ANKRD31: variants seen among roughly 807,000 people sequenced by gnomAD.
ANKRD31 encodes the protein ankyrin repeat domain 31, also known as ankyrin repeat domain-containing protein 31.
A neutral mutation model predicts 186.0 loss-of-function variants in ANKRD31; 147 were observed. The ratio of observed to expected loss-of-function variants is 0.79; its 90% CI spans 0.69 to 0.91. The LOEUF (loss-of-function observed/expected upper bound fraction) is 0.91, where lower values mean the gene tolerates loss of function less well. Ranked by LOEUF, ANKRD31 falls within the 40% of genes least tolerant of loss-of-function variation. The pLI is 0.00. For missense variants in ANKRD31, 1,986 were observed against 2,148.8 expected (o/e 0.92, Z 1.50); for synonymous variants, 673 against 736.4 (o/e 0.91, Z 1.39).
intron 3 of ANKRD31, among the ~76,000 whole-genome samples, chr5:75,220,589 C>T (rs149375983): frequency 5.3e-5 from 8 of 151,520 alleles, no homozygotes; most frequent in Non-Finnish European, 8.8e-5. Flanking sequence ...CTACAGTGAG[C>T]TGTGATCATG....
At chr5:75,183,180 CAGAAAAAGCATTTGAT>C (rs1284796878) in intron 10 of ANKRD31, among the ~76,000 whole-genome samples, 2 of 152,030 alleles carry the variant, frequency 1.3e-5, no homozygotes. Context: ...TCAAAAGATG[CAGAAAAAGCATTTGAT>C]AGAATTCAAC....
intron 11 of ANKRD31, among the ~76,000 whole-genome samples, chr5:75,160,989 C>T (rs542886807): frequency 7.9e-5 from 12 of 152,162 alleles, no homozygotes; most frequent in African/African-American, 2.7e-4. Flanking sequence ...TGTAAATTGC[C>T]CAGTCTTGGG....
intron 11 of ANKRD31, among the ~76,000 whole-genome samples, chr5:75,167,163 G>T (rs571494217): frequency 6.6e-6 from 1 of 151,908 alleles, no homozygotes; most frequent in South Asian, 2.1e-4. Flanking sequence ...TAATGGAATG[G>T]TAAGATGTGG....
chr5:75,079,456 G>A (rs927812276), intron 25 of ANKRD31, among the ~76,000 whole-genome samples: 26 of 149,438 alleles, frequency 1.7e-4, no homozygotes, highest in Admixed American at 6.8e-5. Context: ...AAATGTGAAA[G>A]CCACCACTCT....
At chr5:75,229,876 AAAAAAAAAAAAC>A (rs534602222) in intron 2 of ANKRD31, among the ~76,000 whole-genome samples, 21,880 of 133,148 alleles carry the variant, frequency 0.16, 2,639 homozygotes, top group African/African-American at 0.34. Context: ...AAAAAAAAAA[AAAAAAAAAAAAC>A]AAAAAAAACA....
At chr5:75,114,779 C>T (rs1748070418) in intron 19 of ANKRD31, among the ~76,000 whole-genome samples, 1 of 152,142 alleles carries the variant, frequency 6.6e-6, no homozygotes, top group Admixed American at 6.6e-5. Context: ...AATGGAAGAA[C>T]ATTCCATGCT....
At chr5:75,187,126 GTGTGTGTGT>G (rs1754786578) in intron 10 of ANKRD31, among the ~76,000 whole-genome samples, 1 of 150,966 alleles carries the variant, frequency 6.6e-6, no homozygotes, top group Non-Finnish European at 1.5e-5. Flanking sequence ...GTGTGTGTGT[GTGTGTGTGT>G]GTGTGTGTGT....
At chr5:75,124,984 GA>G (rs1749112287) in intron 17 of ANKRD31, among the ~76,000 whole-genome samples, 1 of 151,982 alleles carries the variant, frequency 6.6e-6, no homozygotes, top group Admixed American at 6.6e-5. Context: ...TATTAAAAAA[GA>G]AAAATACCCT....
chr5:75,101,463 C>T (rs866698399), intron 22 of ANKRD31, among the ~76,000 whole-genome samples: 23 of 152,090 alleles, frequency 1.5e-4, no homozygotes, highest in Middle Eastern at 6.8e-3. Flanking sequence ...TAAATTTGAA[C>T]GTTGGTCTGC....
At chr5:75,129,981 C>T (rs762456719) in intron 17 of ANKRD31, among the ~76,000 whole-genome samples, 9 of 152,200 alleles carry the variant, frequency 5.9e-5, no homozygotes, top group Non-Finnish European at 1.3e-4. Context: ...TTGGTGGGTT[C>T]TTGGTCTCTC....
intron 3 of ANKRD31, among the ~76,000 whole-genome samples, chr5:75,217,593 T>C (rs1295876532): frequency 6.6e-6 from 1 of 152,142 alleles, no homozygotes; most frequent in African/African-American, 2.4e-5. Flanking sequence ...CTTTTTTCTG[T>C]TTTCTATTTG....
chr5:75,220,350 G>A (rs760016513), intron 3 of ANKRD31, among the ~76,000 whole-genome samples: 3 of 152,128 alleles, frequency 2.0e-5, no homozygotes, highest in Admixed American at 6.6e-5. Flanking sequence ...CCATTAAAAA[G>A]TGGGCAATGG....
In ANKRD31 at chr5:75,195,830, T is replaced by A; in HGVS notation, c.818A>T (p.His273Leu). 9 of 1,537,310 alleles carry A rather than the reference T, an allele frequency of 5.9e-6. No homozygotes were observed. The highest frequency in any genetic ancestry group is 7.8e-6 in the Non-Finnish European group (9 of 1,146,860). Residue 273 changes from histidine (H) to leucine (L), a missense_variant, in exon 7 of 26, where the codon CAT (histidine) becomes CTT (leucine). Transcript: ENST00000506364. ...SIPLNSWSAC[H>L]RDLLEDAKDD... is the part of the protein sequence containing the mutation. ...TTTTGCATCTTCTAGTAAATCTCTA[T>A]GACATGCCGACCAGGAATTCAAAGG...
chr5:75,084,182 G>T, intron 24 of ANKRD31, 90 bp downstream of exon 24: 2 of 933,780 alleles, frequency 2.1e-6, no homozygotes, highest in South Asian at 1.5e-5. Flanking sequence ...TCACATCAAT[G>T]AGAAAAAAGA....
intron 9 of ANKRD31, among the ~76,000 whole-genome samples, chr5:75,189,200 C>T (rs1754936713): frequency 6.6e-6 from 1 of 152,120 alleles, no homozygotes; most frequent in Admixed American, 6.6e-5. Flanking sequence ...TTGATCCTTG[C>T]AATTGTTTTT....
chr5:75,185,109 A>G (rs920476511), intron 10 of ANKRD31, among the ~76,000 whole-genome samples: 1 of 152,238 alleles, frequency 6.6e-6, no homozygotes, highest in African/African-American at 2.4e-5. Context: ...TAAGATATGC[A>G]CAGGAAGACA....
intron 10 of ANKRD31, among the ~76,000 whole-genome samples, chr5:75,171,604 G>T (rs931007190): frequency 6.6e-6 from 1 of 150,524 alleles, no homozygotes; most frequent in Admixed American, 6.6e-5. Flanking sequence ...AAAAAGAACA[G>T]AAATCAATAA....
chr5:75,129,881 C>A (rs1749606898), intron 17 of ANKRD31, among the ~76,000 whole-genome samples: 1 of 152,268 alleles, frequency 6.6e-6, no homozygotes, highest in South Asian at 2.1e-4. Flanking sequence ...CCTTTCCTAG[C>A]CAAGGGAAGC....
chr5:75,169,672 A>G (rs1753179281), intron 10 of ANKRD31, among the ~76,000 whole-genome samples: 1 of 152,224 alleles, frequency 6.6e-6, no homozygotes, highest in Admixed American at 6.5e-5. Context: ...GGACAATGGT[A>G]TAAGTTACAG....
Sources: gnomAD v4.1 joint callset for allele counts (sites outside exome capture counted in the v4.1 genomes callset) on GRCh38, gnomAD v4.1.1 for gene constraint, MANE v1.5 for transcripts, NCBI Gene and HGNC (gene_info 2026-07-23, HGNC 2026-07-21) for gene names.